Variants in MAP3K13 observed in about 807,000 individuals in gnomAD.
The protein encoded by MAP3K13 is leucine zipper-bearing kinase.
In MAP3K13, 52 loss-of-function variants were observed where a neutral mutation model predicts 104.0. The ratio of observed to expected loss-of-function variants is 0.50; its 90% CI spans 0.40 to 0.63. The LOEUF is 0.63. Ranked by LOEUF, MAP3K13 falls within the 20% of genes least tolerant of loss-of-function variation. MAP3K13 has a pLI of 0.00. For synonymous variants in MAP3K13, 394 were observed against 442.2 expected (o/e 0.89, Z 1.37); for missense variants, 914 against 1,218.5 (o/e 0.75, Z 3.72).
chr3:185,435,451 G>T (rs985638272), intron 2 of MAP3K13, among the ~76,000 whole-genome samples: 7 of 152,152 alleles, frequency 4.6e-5, no homozygotes, highest in African/African-American at 9.7e-5. Context: ...ATTAATACTT[G>T]TCCTCTATAG....
chr3:185,368,314 A>G (rs1723987921), intron 1 of MAP3K13, among the ~76,000 whole-genome samples: 1 of 152,202 alleles, frequency 6.6e-6, no homozygotes, highest in African/African-American at 2.4e-5. Flanking sequence ...CCCAGCTTTA[A>G]TTCCTAGTTC....
chr3:185,422,324 A>G (rs9870166), intron 1 of MAP3K13, among the ~76,000 whole-genome samples: 1,652 of 152,338 alleles, frequency 0.011, 40 homozygotes, highest in African/African-American at 0.037. Flanking sequence ...GTCAGATGTT[A>G]TATTAAGCAA....
chr3:185,455,594 A>ACATATATATCATATATATGATATAT lies in MAP3K13; in HGVS notation c.1278+4199_1278+4200insCATATATATCATATATATGATATAT, dbSNP rs1283372307. Among the ~76,000 whole-genome samples the ACATATATATCATATATATGATATAT allele has an allele frequency of 1.7e-4, 2 of 11,756 alleles. 1 individual carries two copies. Among genetic ancestry groups the ACATATATATCATATATATGATATAT allele is most frequent in the Non-Finnish European group, 6.1e-4 (2 of 3,254 alleles). The allele number at this position is 11,756 out of a possible 152,430, so 7.7% of individuals were successfully genotyped here. ...ATATGACATATATATGATATATATG[A>ACATATATATCATATATATGATATAT]GATATATATATCATATATATGAGAT... On this transcript the variant is annotated intron_variant, in intron 7 of 13. Transcript: ENST00000265026.
intron 1 of MAP3K13, among the ~76,000 whole-genome samples, chr3:185,411,928 G>T (rs916567307): frequency 2.6e-5 from 4 of 151,864 alleles, no homozygotes; most frequent in African/African-American, 9.7e-5. Context: ...GGGACTACAG[G>T]TGTGTACAAC....
chr3:185,330,046 ATTTTTTTTTTTT>A (rs548813356), intron 2 of MAP3K13, among the ~76,000 whole-genome samples: 15 of 98,276 alleles, frequency 1.5e-4, no homozygotes, highest in African/African-American at 3.5e-4. Flanking sequence ...TGCCTGGCTA[ATTTTTTTTTTTT>A]TTTTTTTTTT....
At chr3:185,448,931 G>A (rs1407689399) in intron 5 of MAP3K13, among the ~76,000 whole-genome samples, 1 of 152,146 alleles carries the variant, frequency 6.6e-6, no homozygotes, top group Non-Finnish European at 1.5e-5. Flanking sequence ...AGTATTTTAT[G>A]TATTAAGGAG....
chr3:185,292,495 G>C (rs1022015935), intron 2 of MAP3K13: 1 of 229,390 alleles, frequency 4.4e-6, no homozygotes, highest in Non-Finnish European at 7.2e-6. Context: ...TAACCTCTCT[G>C]AACCTTAACT....
chr3:185,291,534 C>CAA, intron 2 of MAP3K13: 1 of 1,289,372 alleles, frequency 7.8e-7, no homozygotes, highest in Non-Finnish European at 1.0e-6. Flanking sequence ...ATTACTGACC[C>CAA]AAAAGTAGTT....
intron 2 of MAP3K13, among the ~76,000 whole-genome samples, chr3:185,301,978 A>AT (rs952232068): frequency 2.0e-5 from 3 of 151,624 alleles, no homozygotes; most frequent in East Asian, 3.9e-4. Flanking sequence ...TGAATTAAAA[A>AT]TTTTTGTTTT....
At chr3:185,368,345 C>A (rs1723989268) in intron 1 of MAP3K13, among the ~76,000 whole-genome samples, 2 of 152,124 alleles carry the variant, frequency 1.3e-5, no homozygotes. Context: ...CTTCTGTTTA[C>A]TATGGATTGT....
chr3:185,337,117 C>G (rs1722534779), intron 2 of MAP3K13, among the ~76,000 whole-genome samples: 1 of 152,140 alleles, frequency 6.6e-6, no homozygotes, highest in Non-Finnish European at 1.5e-5. Context: ...GTTGCCCAGG[C>G]TGGTCTTGAA....
At chr3:185,387,862 G>A (rs1323369118) in intron 1 of MAP3K13, among the ~76,000 whole-genome samples, 2 of 152,052 alleles carry the variant, frequency 1.3e-5, no homozygotes, top group Non-Finnish European at 2.9e-5. Flanking sequence ...TTGGAAAAGA[G>A]GAAGTCAGAT....
At chr3:185,297,651 C>G (rs920416201) in intron 2 of MAP3K13, among the ~76,000 whole-genome samples, 4 of 151,702 alleles carry the variant, frequency 2.6e-5, no homozygotes, top group African/African-American at 9.7e-5. Context: ...GGGAGAATCT[C>G]TTGAACCCAG....
At chr3:185,419,781 T>C (rs939191476) in intron 1 of MAP3K13, among the ~76,000 whole-genome samples, 11 of 152,130 alleles carry the variant, frequency 7.2e-5, no homozygotes, top group African/African-American at 2.2e-4. Flanking sequence ...GGAGATAGCA[T>C]TTATGATATG....
intron 2 of MAP3K13, among the ~76,000 whole-genome samples, chr3:185,287,962 G>A (rs780073995): frequency 4.6e-5 from 7 of 152,152 alleles, no homozygotes; most frequent in Non-Finnish European, 8.8e-5. Flanking sequence ...ATTTGAACTC[G>A]GGAGGCAGAG....
At chr3:185,453,983 A>T (rs1166511120) in intron 7 of MAP3K13, among the ~76,000 whole-genome samples, 1 of 35,164 alleles carries the variant, frequency 2.8e-5, no homozygotes, top group Admixed American at 3.9e-4. Context: ...TATATATGAG[A>T]TATATATATG....
chr3:185,346,743 A>G (rs1216558648), intron 2 of MAP3K13, among the ~76,000 whole-genome samples: 2 of 152,194 alleles, frequency 1.3e-5, no homozygotes, highest in African/African-American at 4.8e-5. Context: ...TTGTACTTCA[A>G]AAAAGATGCA....
At chr3:185,300,726 A>G (rs1721076250) in intron 2 of MAP3K13, among the ~76,000 whole-genome samples, 2 of 151,710 alleles carry the variant, frequency 1.3e-5, no homozygotes, top group Admixed American at 1.3e-4. Flanking sequence ...TCCTGACCTC[A>G]AGTGATCCAC....
At chr3:185,462,034 T>C (rs1430360315) in intron 7 of MAP3K13, among the ~76,000 whole-genome samples, 1 of 152,204 alleles carries the variant, frequency 6.6e-6, no homozygotes, top group Non-Finnish European at 1.5e-5. Flanking sequence ...CCTGACGATC[T>C]GGAGAGATAC....
Sources: gnomAD v4.1 joint callset for allele counts (sites outside exome capture counted in the v4.1 genomes callset) on GRCh38, gnomAD v4.1.1 for gene constraint, MANE v1.5 for transcripts, NCBI Gene and HGNC (gene_info 2026-07-23, HGNC 2026-07-21) for gene names.